The following FHIT variants were observed in gnomAD, a reference collection of about 807,000 sequenced individuals.
The protein encoded by FHIT is bis(5'-adenosyl)-triphosphatase.
A neutral mutation model predicts 17.9 loss-of-function variants in FHIT; 19 were observed. The ratio of observed to expected loss-of-function variants is 1.06; its 90% CI spans 0.74 to 1.56. The LOEUF is 1.56. FHIT is among the 40% of genes most tolerant of loss of function. The pLI is 0.00. For synonymous variants in FHIT, 81 were observed against 69.7 expected, an observed-to-expected ratio of 1.16 and a Z score of -0.81; for missense variants, 248 against 189.2, an observed-to-expected ratio of 1.31 and a Z score of -1.82.
At chr3:59,980,087 C>T (rs543261336) in intron 7 of FHIT, among the ~76,000 whole-genome samples, 9 of 152,296 alleles carry the variant, frequency 5.9e-5, no homozygotes, top group Admixed American at 2.0e-4. Flanking sequence ...TTCTAAAACA[C>T]CACTTAAGCT....
rs1209327189 is a variant in FHIT, at chr3:61,103,516, A to G, written c.-163-61417T>C. 2.6e-5 allele frequency among the ~76,000 whole-genome samples: 4 copies of G among 152,332 alleles called. No homozygotes were observed. The East Asian group carries it at 7.7e-4, about 29-fold the overall frequency. On this transcript the variant is annotated intron_variant, in intron 2 of 9. Transcript: ENST00000492590. Reference sequence around the variant, plus strand: ...GAATACATGCAATGTGGTGCTGAGAAGAATGTATATTCTGTTGATTTGGAG... The same window carrying G: ...GAATACATGCAATGTGGTGCTGAGAGGAATGTATATTCTGTTGATTTGGAG...
chr3:60,400,870 C>T (rs558334771), intron 5 of FHIT, among the ~76,000 whole-genome samples: 5 of 152,120 alleles, frequency 3.3e-5, no homozygotes, highest in East Asian at 1.9e-4. Context: ...GAATTAGCTG[C>T]CAACATTTAA....
At chr3:61,206,318 T>A (rs1488645226) in intron 1 of FHIT, among the ~76,000 whole-genome samples, 1 of 133,554 alleles carries the variant, frequency 7.5e-6, no homozygotes, top group Non-Finnish European at 1.6e-5. Flanking sequence ...TTTGGTTCCA[T>A]ATGAACTTTA....
chr3:61,099,339 T>C (rs1044957647), intron 2 of FHIT, among the ~76,000 whole-genome samples: 2 of 152,136 alleles, frequency 1.3e-5, no homozygotes, highest in Non-Finnish European at 1.5e-5. Flanking sequence ...AGGTCAAAGA[T>C]TTTTGCATCA....
At chr3:60,343,694 T>C (rs918285353) in intron 5 of FHIT, among the ~76,000 whole-genome samples, 29 of 152,200 alleles carry the variant, frequency 1.9e-4, no homozygotes, top group African/African-American at 6.8e-4. Context: ...AATATCACTA[T>C]CTATAGTAGA....
At chr3:60,086,621 G>A (rs983165935) in intron 5 of FHIT, among the ~76,000 whole-genome samples, 1 of 152,206 alleles carries the variant, frequency 6.6e-6, no homozygotes, top group African/African-American at 2.4e-5. Flanking sequence ...TTGGCCAAAA[G>A]AAAGAGAAAA....
rs1559611451 is a variant in FHIT, at chr3:60,077,724, A to ACT, written c.104-63573_104-63572insAG. Among the ~76,000 whole-genome samples, 298 of 92,816 alleles carry ACT rather than the reference A, an allele frequency of 3.2e-3. 4 individuals carry two copies. The highest frequency in any genetic ancestry group is 0.013 in the African/African-American group (283 of 21,662). The allele number at this position is 92,816 out of a possible 152,430, so 60.9% of individuals were successfully genotyped here. ...CACACACACACACACACACACACACACACACATATATAGAGGGGGGGGGGA... is the reference window on the plus strand; with the variant it reads ...CACACACACACACACACACACACACACTCACACATATATAGAGGGGGGGGGGA... On this transcript the variant is annotated intron_variant, in intron 5 of 9. Transcript: ENST00000492590.
At chr3:59,963,903 G>C (rs72875153) in intron 7 of FHIT, among the ~76,000 whole-genome samples, 1 of 152,290 alleles carries the variant, frequency 6.6e-6, no homozygotes, top group African/African-American at 2.4e-5. Context: ...CTAATAAACA[G>C]ATGCATGTCA....
At chr3:60,632,329 C>CTT (rs2039467394) in intron 4 of FHIT, among the ~76,000 whole-genome samples, 1 of 152,144 alleles carries the variant, frequency 6.6e-6, no homozygotes, top group Non-Finnish European at 1.5e-5. Context: ...ACAGAAACTA[C>CTT]TTTTAGCACA....
chr3:61,161,624 CTT>C (rs912771475), intron 2 of FHIT, among the ~76,000 whole-genome samples: 6 of 152,206 alleles, frequency 3.9e-5, no homozygotes, highest in African/African-American at 1.4e-4. Context: ...TATTTAAAGT[CTT>C]TGCACTGAAC....
At chr3:60,002,078 C>T (rs1373915602) in intron 7 of FHIT, among the ~76,000 whole-genome samples, 1 of 152,116 alleles carries the variant, frequency 6.6e-6, no homozygotes, top group Non-Finnish European at 1.5e-5. Flanking sequence ...ACTTTGTTAA[C>T]TCAATGTTGT....
intron 8 of FHIT, among the ~76,000 whole-genome samples, chr3:59,800,549 T>G (rs901194707): frequency 6.6e-6 from 1 of 151,996 alleles, no homozygotes; most frequent in Admixed American, 6.6e-5. Context: ...TCAAAATGAG[T>G]TTAAAGCTAT....
chr3:59,971,341 A>G (rs1004748916), intron 7 of FHIT, among the ~76,000 whole-genome samples: 2 of 152,072 alleles, frequency 1.3e-5, no homozygotes, highest in African/African-American at 4.8e-5. Flanking sequence ...AGGCACCACT[A>G]TTATTATCTT....
intron 8 of FHIT, among the ~76,000 whole-genome samples, chr3:59,915,145 G>A (rs17366680): frequency 0.16 from 23,774 of 152,088 alleles, 2,121 homozygotes; most frequent in Non-Finnish European, 0.2. Flanking sequence ...CACCTCGGAG[G>A]AGGCATTTTC....
At chr3:59,879,775 G>C (rs78552527) in intron 8 of FHIT, among the ~76,000 whole-genome samples, 3 of 152,178 alleles carry the variant, frequency 2.0e-5, no homozygotes, top group Non-Finnish European at 2.9e-5. Flanking sequence ...AATAGTGGAG[G>C]GTTCCTCATA....
At chr3:59,950,234 G>A (rs1043923387) in intron 7 of FHIT, among the ~76,000 whole-genome samples, 1 of 152,166 alleles carries the variant, frequency 6.6e-6, no homozygotes, top group African/African-American at 2.4e-5. Context: ...AATTGTCACT[G>A]CTGTGAGTTA....
chr3:59,752,142 T>C, intron 9 of FHIT, 79 bp downstream of exon 9: 1 of 988,586 alleles, frequency 1.0e-6, no homozygotes, highest in African/African-American at 1.6e-5. Flanking sequence ...GGTGTTTTTG[T>C]GCATCCCCAT....
At position 60,904,102 on chromosome 3, in the gene FHIT, A is replaced by T. The variant is rs528730781; in HGVS notation, c.-110-82091T>A. Among the ~76,000 whole-genome samples, 4 of 152,280 alleles carry T rather than the reference A, an allele frequency of 2.6e-5. No individual in the cohort carries two copies. In the East Asian group the frequency reaches 7.7e-4, roughly 29 times the overall value. ...CTTTGGTGCTTATCAGGTTCTCCAG[A>T]GGTAGCAAATTTGTAAGACATTTCA... On this transcript the variant is annotated intron_variant, in intron 3 of 9. Coordinates refer to ENST00000492590, the MANE Select transcript of FHIT (RefSeq NM_002012.4).
At chr3:59,891,708 G>C (rs989185890) in intron 8 of FHIT, among the ~76,000 whole-genome samples, 1 of 152,128 alleles carries the variant, frequency 6.6e-6, no homozygotes, top group Non-Finnish European at 1.5e-5. Flanking sequence ...ATTCACATAG[G>C]GCTAGGTGTG....
Sources: gnomAD v4.1 joint callset for allele counts (sites outside exome capture counted in the v4.1 genomes callset) on GRCh38, gnomAD v4.1.1 for gene constraint, MANE v1.5 for transcripts, NCBI Gene and HGNC (gene_info 2026-07-23, HGNC 2026-07-21) for gene names.